Variants in MAP3K1 observed in about 807,000 individuals in gnomAD.
MAP3K1 encodes MAP/ERK kinase kinase 1.
A neutral mutation model predicts 144.2 loss-of-function variants in MAP3K1; 36 were observed. That is an observed-to-expected ratio of 0.25 (90% CI 0.19 to 0.33). The LOEUF is 0.33. Ranked by LOEUF, MAP3K1 falls within the 10% of genes least tolerant of loss-of-function variation. MAP3K1 has a pLI of 1.00. For missense variants in MAP3K1, 1,650 were observed against 1,881.9 expected (o/e 0.88, Z 2.28); for synonymous variants, 718 against 688.7 (o/e 1.04, Z -0.67).
intron 5 of MAP3K1, 103 bp from the exon 6 acceptor site, chr5:56,865,726 A>T: frequency 7.8e-7 from 1 of 1,278,178 alleles, no homozygotes; most frequent in Non-Finnish European, 1.1e-6. Context: ...AATCAACTTT[A>T]TGAAAAACAT....
chr5:56,881,348 A>G (rs1748200655), intron 13 of MAP3K1, 76 bp downstream of exon 13: 2 of 1,322,156 alleles, frequency 1.5e-6, no homozygotes, highest in Non-Finnish European at 2.1e-6. Context: ...GACACATTTT[A>G]GATTTTTGAA....
intron 1 of MAP3K1, among the ~76,000 whole-genome samples, chr5:56,816,692 C>CG (rs1323057549): frequency 6.6e-6 from 1 of 152,116 alleles, no homozygotes; most frequent in Non-Finnish European, 1.5e-5. Context: ...TCCAGGAGGA[C>CG]GGCTCGGTAA....
At chr5:56,823,794 C>A (rs1320143842) in intron 1 of MAP3K1, among the ~76,000 whole-genome samples, 1 of 152,084 alleles carries the variant, frequency 6.6e-6, no homozygotes, top group Non-Finnish European at 1.5e-5. Context: ...TAGTAGAGAG[C>A]AAATAGCTAT....
intron 1 of MAP3K1, among the ~76,000 whole-genome samples, chr5:56,847,727 G>A (rs1438353312): frequency 6.6e-6 from 1 of 152,216 alleles, no homozygotes; most frequent in Non-Finnish European, 1.5e-5. Context: ...TTTAAAAAAT[G>A]TACTTCATGC....
chr5:56,895,354 CTTT>C lies in MAP3K1; in HGVS notation c.*1678_*1680del. ...CTCTAAATGTGTTGTACTTGACTTT[CTTT>C]TTTATTTTGTTTTTTTTTTTTTTTG... On this transcript the variant is annotated 3_prime_UTR_variant, in exon 20 of 20. Transcript: ENST00000399503. The C allele has an allele frequency of 6.1e-6, 1 of 164,602 alleles. No individual in the cohort carries two copies. Among genetic ancestry groups the C allele is most frequent in the Non-Finnish European group, 1.3e-5 (1 of 79,392 alleles). 10.2% of individuals were successfully genotyped at this position (164,602 alleles called of 1,614,324 possible).
intron 5 of MAP3K1, 53 bp from the exon 6 acceptor site, chr5:56,865,776 A>C: frequency 6.4e-7 from 1 of 1,571,730 alleles, no homozygotes; most frequent in Non-Finnish European, 8.8e-7. Flanking sequence ...AGAACTCTTC[A>C]TATGTATAAT....
chr5:56,880,790 A>C lies in MAP3K1; in HGVS notation c.2167A>C (p.Ile723Leu). 1 of 1,613,254 alleles carries C rather than the reference A, an allele frequency of 6.2e-7. No individual in the cohort carries two copies. The change falls in exon 12 of 20, where the codon ATA becomes CTA. Residue 723 changes from isoleucine (I) to leucine (L), a missense_variant. Physicochemically the swap from Ile to Leu is conservative, Grantham distance 5 (BLOSUM62 2). Around this residue, in one of 6 missense-constraint regions of MAP3K1, gnomAD observed 841 missense variants for 886.5 expected, o/e 0.95. Coordinates refer to ENST00000399503, the MANE Select transcript of MAP3K1 (RefSeq NM_005921.2). ...AGGAGAGTTGGCAGTTGGCAGAGAA[A>C]TACTAAAAGCTGGTAATAACTTTTC... ...QAGELAVGRE[I>L]LKAGSIGIGG...
intron 14 of MAP3K1, 64 bp downstream of exon 14, chr5:56,882,930 T>C: frequency 3.0e-6 from 4 of 1,312,340 alleles, no homozygotes; most frequent in Admixed American, 1.8e-5. Flanking sequence ...GACTCATACC[T>C]GGAATTCCAG....
At chr5:56,841,398 C>A (rs1029826553) in intron 1 of MAP3K1, among the ~76,000 whole-genome samples, 2 of 152,058 alleles carry the variant, frequency 1.3e-5, no homozygotes, top group African/African-American at 2.4e-5. Context: ...TTGGAGGAGT[C>A]TAAAAGTTCG....
At chr5:56,836,040 A>C (rs980470862) in intron 1 of MAP3K1, among the ~76,000 whole-genome samples, 2 of 152,226 alleles carry the variant, frequency 1.3e-5, no homozygotes, top group African/African-American at 2.4e-5. Flanking sequence ...TGAAACAGAC[A>C]CAAATCCCTG....
At chr5:56,874,086 C>T (rs1747941653) in intron 9 of MAP3K1, among the ~76,000 whole-genome samples, 1 of 152,138 alleles carries the variant, frequency 6.6e-6, no homozygotes, top group Admixed American at 6.6e-5. Flanking sequence ...TTAGGTAAGA[C>T]AGTTAAAACA....
At chr5:56,853,830 T>G (rs917905981) in intron 1 of MAP3K1, among the ~76,000 whole-genome samples, 7 of 152,092 alleles carry the variant, frequency 4.6e-5, no homozygotes, top group African/African-American at 1.7e-4. Context: ...TGACAGGAAT[T>G]GAGGTGAGAC....
chr5:56,824,133 A>G (rs1245105391), intron 1 of MAP3K1, among the ~76,000 whole-genome samples: 1 of 152,228 alleles, frequency 6.6e-6, no homozygotes, highest in East Asian at 1.9e-4. Flanking sequence ...TTTGTTAGGC[A>G]AGTACTCCAT....
chr5:56,816,193 G>A, intron 1 of MAP3K1, 138 bp downstream of exon 1: 1 of 914,754 alleles, frequency 1.1e-6, no homozygotes, highest in Non-Finnish European at 1.4e-6. Context: ...CTACGCCCCT[G>A]AGCACCCCCC....
rs1748696205 is a variant in MAP3K1 at position 56,896,142 on chromosome 5, T to A, written c.*2462T>A. On this transcript the variant is annotated 3_prime_UTR_variant, in exon 20 of 20. Transcript: ENST00000399503. ...TTTTGTCTTTATAGTAAATAAAAGTTTTTGAACAAATGTTGTTACTTTTAT... is the reference window on the plus strand; with the variant it reads ...TTTTGTCTTTATAGTAAATAAAAGTATTTGAACAAATGTTGTTACTTTTAT... 1 of 221,688 alleles carries A rather than the reference T, an allele frequency of 4.5e-6. No homozygotes were observed. Among genetic ancestry groups the A allele is most frequent in the Admixed American group, 5.7e-5 (1 of 17,396 alleles). 13.7% of individuals were successfully genotyped at this position (221,688 alleles called of 1,614,324 possible). A position where few individuals can be genotyped will look rare whatever the true frequency, so the allele number is the denominator to read the frequency against.
At position 56,882,277 on chromosome 5, in the gene MAP3K1, C is replaced by T. The variant is rs1333785060; in HGVS notation, c.3077C>T (p.Ser1026Phe). ...TCTCCTCAAACACAGCGCAAGTTTT[C>T]TCTACAATTCCACAGAAACTGTCCT... The part of the protein sequence containing the change: ...SASPQTQRKF[S>F]LQFHRNCPEN... Residue 1026 changes from serine (S) to phenylalanine (F), a missense_variant, in exon 14 of 20, where the codon TCT (serine) becomes TTT (phenylalanine). Coordinates refer to ENST00000399503, the MANE Select transcript of MAP3K1 (RefSeq NM_005921.2). The T allele has an allele frequency of 6.2e-7, 1 of 1,614,046 alleles. No individual in the cohort carries two copies. The highest frequency in any genetic ancestry group is 2.2e-5 in the East Asian group (1 of 44,894).
intron 5 of MAP3K1, 125 bp downstream of exon 5, chr5:56,865,581 T>C (rs1213771772): frequency 1.4e-6 from 1 of 727,056 alleles, no homozygotes; most frequent in Non-Finnish European, 2.4e-6. Flanking sequence ...TAAGAATTAG[T>C]TGATGCTTAT....
chr5:56,850,814 A>C (rs1747146923), intron 1 of MAP3K1, among the ~76,000 whole-genome samples: 1 of 152,078 alleles, frequency 6.6e-6, no homozygotes, highest in African/African-American at 2.4e-5. Context: ...ATGTAATATA[A>C]TTTTTCTGTG....
At chr5:56,880,831 A>G in intron 12 of MAP3K1, 29 bp downstream of exon 12, 1 of 1,535,080 alleles carries the variant, frequency 6.5e-7, no homozygotes. Flanking sequence ...AAAGGAATAT[A>G]GCATATTTTA....
Sources: gnomAD v4.1 joint callset for allele counts (sites outside exome capture counted in the v4.1 genomes callset) on GRCh38, gnomAD v4.1.1 for gene constraint, gnomAD v4.1.1 regional missense constraint, MANE v1.5 for transcripts, NCBI Gene and HGNC (gene_info 2026-07-23, HGNC 2026-07-21) for gene names.